RSPRY1: variants seen among roughly 807,000 people sequenced by gnomAD.
RSPRY1 encodes RING finger and SPRY domain-containing protein 1.
In RSPRY1, 23 loss-of-function variants were observed where a neutral mutation model predicts 73.1. That is an observed-to-expected ratio of 0.31 (90% CI 0.23 to 0.45). RSPRY1 has a LOEUF of 0.45. Ranked by LOEUF, RSPRY1 falls within the 20% of genes least tolerant of loss-of-function variation. The pLI, the probability that RSPRY1 is intolerant of heterozygous loss-of-function variation, is 1.00. For missense variants in RSPRY1, 448 were observed against 698.7 expected, an observed-to-expected ratio of 0.64 and a Z score of 4.05; for synonymous variants, 226 against 251.4, an observed-to-expected ratio of 0.90 and a Z score of 0.95.
At chr16:57,227,213 A>G (rs186301257) in intron 10 of RSPRY1, 129 bp from the exon 11 acceptor site, 94 of 648,594 alleles carry the variant, frequency 1.4e-4, no homozygotes, top group Middle Eastern at 5.5e-4. Flanking sequence ...TCAAAAAACC[A>G]TGAGCTCTCT....
At chr16:57,234,080 C>CT (rs1387100287) in intron 13 of RSPRY1, among the ~76,000 whole-genome samples, 1 of 152,176 alleles carries the variant, frequency 6.6e-6, no homozygotes, top group African/African-American at 2.4e-5. Context: ...TGTCCTCTCC[C>CT]TTCCCTATGT....
intron 1 of RSPRY1, among the ~76,000 whole-genome samples, chr16:57,189,927 G>T (rs1464608084): frequency 6.6e-6 from 1 of 151,998 alleles, no homozygotes; most frequent in East Asian, 1.9e-4. Flanking sequence ...AATTGTATAT[G>T]CTTTCCTTAA....
chr16:57,210,906 T>C (rs769355243), intron 4 of RSPRY1, among the ~76,000 whole-genome samples: 2 of 151,006 alleles, frequency 1.3e-5, no homozygotes, highest in African/African-American at 2.4e-5. Context: ...TAGTCCCAGC[T>C]GCTCAGGAGG....
intron 6 of RSPRY1, among the ~76,000 whole-genome samples, chr16:57,214,693 A>AT (rs1442389729): frequency 1.3e-5 from 2 of 152,260 alleles, no homozygotes; most frequent in African/African-American, 4.8e-5. Context: ...ATTAGCCTCC[A>AT]TTTTATCACA....
At chr16:57,205,984 C>T (rs2074717628) in intron 2 of RSPRY1, among the ~76,000 whole-genome samples, 1 of 152,152 alleles carries the variant, frequency 6.6e-6, no homozygotes, top group Admixed American at 6.5e-5. Context: ...TTTATAGAAA[C>T]CCAGTTTCGT....
Position 57,237,402 on chromosome 16 carries a change from G to C in RSPRY1, c.1635-1477G>C, listed in dbSNP as rs113449687. On this transcript the variant is annotated intron_variant, in intron 14 of 14. Transcript: ENST00000394420. ...AAGTAATCCACCTGCCTTGGCCTCC[G>C]AAAAGTTCTGGGATTACAGGCATGA... Among the ~76,000 whole-genome samples, 21 of 152,084 alleles carry C rather than the reference G, an allele frequency of 1.4e-4. 1 individual carries two copies. The highest frequency in any genetic ancestry group is 5.1e-4 in the African/African-American group (21 of 41,520).
intron 10 of RSPRY1, among the ~76,000 whole-genome samples, chr16:57,226,032 C>T (rs1237991889): frequency 6.6e-6 from 1 of 151,986 alleles, no homozygotes; most frequent in Non-Finnish European, 1.5e-5. Flanking sequence ...GAGCCAAGAT[C>T]GCGCCATTGC....
intron 1 of RSPRY1, among the ~76,000 whole-genome samples, chr16:57,203,853 T>C (rs1007569085): frequency 1.1e-4 from 17 of 152,238 alleles, no homozygotes; most frequent in African/African-American, 2.4e-4. Context: ...TTTTGTGATA[T>C]CAGTTTTCCT....
At chr16:57,200,479 C>T (rs1297175180) in intron 1 of RSPRY1, among the ~76,000 whole-genome samples, 5 of 150,970 alleles carry the variant, frequency 3.3e-5, no homozygotes, top group Admixed American at 6.6e-5. Flanking sequence ...CCAGTAGGGG[C>T]GGCAGGGCAG....
intron 1 of RSPRY1, among the ~76,000 whole-genome samples, chr16:57,202,883 TA>T (rs1473238374): frequency 3.0e-5 from 1 of 33,436 alleles, no homozygotes; most frequent in Non-Finnish European, 6.4e-5. Flanking sequence ...TATGATTATA[TA>T]TATATATATA....
intron 8 of RSPRY1, among the ~76,000 whole-genome samples, chr16:57,219,303 C>T (rs992851743): frequency 1.3e-5 from 2 of 152,186 alleles, no homozygotes; most frequent in African/African-American, 2.4e-5. Flanking sequence ...ACCTTTTCTC[C>T]ATATCCTCAC....
intron 1 of RSPRY1, among the ~76,000 whole-genome samples, chr16:57,188,113 C>T (rs1410974163): frequency 1.3e-5 from 2 of 152,228 alleles, no homozygotes; most frequent in African/African-American, 4.8e-5. Context: ...GTTGTGGTAG[C>T]CCTAGACTAT....
chr16:57,200,934 C>T (rs1179926222), intron 1 of RSPRY1, among the ~76,000 whole-genome samples: 6 of 81,310 alleles, frequency 7.4e-5, no homozygotes, highest in African/African-American at 1.4e-4. Context: ...ACCTCCCAGA[C>T]GGGGCGGCTG....
intron 1 of RSPRY1, among the ~76,000 whole-genome samples, chr16:57,197,307 T>C (rs1043189490): frequency 6.6e-6 from 1 of 152,236 alleles, no homozygotes; most frequent in African/African-American, 2.4e-5. Context: ...TCATCTACTT[T>C]GTTCATTTAT....
chr16:57,211,142 A>G (rs1452604825), intron 4 of RSPRY1, among the ~76,000 whole-genome samples: 1 of 152,172 alleles, frequency 6.6e-6, no homozygotes, highest in Non-Finnish European at 1.5e-5. Flanking sequence ...TAAGAGGAAA[A>G]ACTGGGCTGA....
intron 10 of RSPRY1, among the ~76,000 whole-genome samples, chr16:57,223,770 T>C (rs2075077805): frequency 6.6e-6 from 1 of 152,182 alleles, no homozygotes; most frequent in Non-Finnish European, 1.5e-5. Flanking sequence ...AGACTCTGTC[T>C]CAAAAATAAA....
chr16:57,197,941 G>A (rs2074481880), intron 1 of RSPRY1, among the ~76,000 whole-genome samples: 1 of 128,028 alleles, frequency 7.8e-6, no homozygotes, highest in African/African-American at 2.9e-5. Flanking sequence ...ACCCAAGCTG[G>A]TCTCAGCCTC....
At chr16:57,207,640 A>T (rs1239278008) in intron 2 of RSPRY1, 1 of 457,506 alleles carries the variant, frequency 2.2e-6, no homozygotes, top group Non-Finnish European at 4.4e-6. Context: ...TGCTTCCATA[A>T]GTCCTCAACC....
intron 4 of RSPRY1, among the ~76,000 whole-genome samples, chr16:57,209,958 T>C (rs1249348514): frequency 6.6e-6 from 1 of 152,016 alleles, no homozygotes; most frequent in African/African-American, 2.4e-5. Flanking sequence ...TTGTAGGCGT[T>C]AGCCACTGTG....
Sources: allele counts gnomAD v4.1 joint callset (sites outside exome capture counted in the v4.1 genomes callset), GRCh38; gene constraint gnomAD v4.1.1; transcripts MANE v1.5; gene names NCBI Gene and HGNC (gene_info 2026-07-23, HGNC 2026-07-21).